Variants in DCC observed in about 807,000 individuals in gnomAD.
DCC encodes netrin receptor DCC.
A neutral mutation model predicts 172.5 loss-of-function variants in DCC; 58 were observed. The observed-to-expected ratio is 0.34, with a 90% CI of 0.27 to 0.42. DCC has a LOEUF of 0.42. Among genes scored for constraint, DCC ranks in the 10% least tolerant of loss-of-function variants. The pLI, the probability that DCC is intolerant of heterozygous loss-of-function variation, is 1.00. For synonymous variants in DCC, 709 were observed against 644.5 expected, an observed-to-expected ratio of 1.10 and a Z score of -1.52; for missense variants, 1,740 against 1,791.0, an observed-to-expected ratio of 0.97 and a Z score of 0.51.
At chr18:53,135,469 C>G (rs2043726795) in intron 7 of DCC, among the ~76,000 whole-genome samples, 1 of 152,104 alleles carries the variant, frequency 6.6e-6, no homozygotes, top group Admixed American at 6.6e-5. Context: ...TTTTTACACT[C>G]CTTATCCCAC....
chr18:53,030,217 G>A (rs1220090952), intron 5 of DCC, among the ~76,000 whole-genome samples: 1 of 152,172 alleles, frequency 6.6e-6, no homozygotes, highest in East Asian at 1.9e-4. Context: ...CCCCAGTAAA[G>A]TAGGACCACT....
At chr18:52,372,642 GC>G (rs1176538962) in intron 1 of DCC, among the ~76,000 whole-genome samples, 2 of 152,180 alleles carry the variant, frequency 1.3e-5, no homozygotes, top group Admixed American at 1.3e-4. Flanking sequence ...GTGAAACCAT[GC>G]ATTTGTATGA....
At chr18:53,082,947 T>C (rs189004343) in intron 7 of DCC, among the ~76,000 whole-genome samples, 72 of 152,228 alleles carry the variant, frequency 4.7e-4, no homozygotes, top group African/African-American at 1.7e-3. Context: ...CTGAATTTTA[T>C]ATATGCCTAC....
At chr18:52,454,608 T>A (rs1988404368) in intron 1 of DCC, among the ~76,000 whole-genome samples, 2 of 152,206 alleles carry the variant, frequency 1.3e-5, no homozygotes, top group African/African-American at 4.8e-5. Context: ...AATAGGAAGC[T>A]TGACCCTCAC....
chr18:53,275,971 A>C (rs1283405774), intron 12 of DCC, among the ~76,000 whole-genome samples: 1 of 152,158 alleles, frequency 6.6e-6, no homozygotes, highest in Non-Finnish European at 1.5e-5. Context: ...AGTTAAAAAT[A>C]TGACTCTCAT....
intron 12 of DCC, among the ~76,000 whole-genome samples, chr18:53,290,517 C>T (rs1312439625): frequency 6.6e-6 from 1 of 151,984 alleles, no homozygotes; most frequent in African/African-American, 2.4e-5. Context: ...CATGGTACAT[C>T]GTGTCTTTGA....
intron 17 of DCC, among the ~76,000 whole-genome samples, chr18:53,393,914 C>CTCT (rs1599101086): frequency 2.8e-5 from 3 of 108,166 alleles, no homozygotes; most frequent in South Asian, 5.2e-4. Flanking sequence ...TCTCTCTCTC[C>CTCT]CTCTCTCCCT....
At chr18:53,307,897 GTATATATATATATATATATA>G (rs771876514) in intron 13 of DCC, among the ~76,000 whole-genome samples, 2,045 of 67,392 alleles carry the variant, frequency 0.03, 80 homozygotes, top group African/African-American at 0.066. Context: ...GTGTGTGTAT[GTATATATATATATATATATA>G]TATATATATA....
At chr18:52,795,394 A>G (rs1320009634) in intron 2 of DCC, among the ~76,000 whole-genome samples, 1 of 151,826 alleles carries the variant, frequency 6.6e-6, no homozygotes, top group Admixed American at 6.6e-5. Context: ...AGATTTTCTA[A>G]TTTGTTTGCA....
rs371388727 is a variant in DCC at position 53,533,738 on chromosome 18, G to A, written c.*3085G>A. On this transcript the variant is annotated 3_prime_UTR_variant, in exon 29 of 29. Transcript: ENST00000442544. ...TTAAATAATGAAGTTTTACATTTGGGTATTATAAAATGCATACTCAATTGA... is the reference window on the plus strand; with the variant it reads ...TTAAATAATGAAGTTTTACATTTGGATATTATAAAATGCATACTCAATTGA... 2 of 152,070 alleles carry A rather than the reference G, an allele frequency of 1.3e-5. No homozygotes were observed. Among genetic ancestry groups the A allele is most frequent in the African/African-American group, 2.4e-5 (1 of 41,486 alleles). 9.4% of individuals were successfully genotyped at this position (152,070 alleles called of 1,614,324 possible).
At chr18:52,892,449 C>T (rs533231988) in intron 2 of DCC, 1 of 152,010 alleles carries the variant, frequency 6.6e-6, no homozygotes, top group Admixed American at 6.6e-5. Context: ...GAGAATGACC[C>T]CACAACTGAA....
rs4408607 is a variant in DCC, at chr18:53,521,198, T to A, written c.4112-5419T>A. On this transcript the variant is annotated intron_variant, in intron 27 of 28. Coordinates refer to ENST00000442544, the MANE Select transcript of DCC (RefSeq NM_005215.4). ...CCGAGACAATGTCTTCGATTCCTTT[T>A]GTGAGGCTCACCATGTCTTGTACAT... Among the ~76,000 whole-genome samples the A allele has an allele frequency of 5.4e-3, 817 of 152,292 alleles. 2 individuals are homozygous for A. Among genetic ancestry groups the A allele is most frequent in the Non-Finnish European group, 8.9e-3 (607 of 68,004 alleles).
At chr18:52,996,429 T>C (rs1217556945) in intron 5 of DCC, among the ~76,000 whole-genome samples, 1 of 151,992 alleles carries the variant, frequency 6.6e-6, no homozygotes, top group Admixed American at 6.6e-5. Flanking sequence ...AGGGGACTGA[T>C]TTTTGGATAT....
intron 27 of DCC, among the ~76,000 whole-genome samples, chr18:53,513,855 T>A (rs370603213): frequency 1.3e-5 from 2 of 149,908 alleles, no homozygotes; most frequent in Non-Finnish European, 3.0e-5. Flanking sequence ...CTCCCACACA[T>A]TAATAATGGG....
chr18:52,349,759 C>T (rs1443572), intron 1 of DCC, among the ~76,000 whole-genome samples: 49,355 of 152,000 alleles, frequency 0.32, 8,588 homozygotes, highest in East Asian at 0.51. Flanking sequence ...AAATCACTCT[C>T]GCCTCCCCAT....
At chr18:53,229,732 T>A (rs1488788208) in intron 12 of DCC, among the ~76,000 whole-genome samples, 1 of 152,000 alleles carries the variant, frequency 6.6e-6, no homozygotes, top group Non-Finnish European at 1.5e-5. Context: ...AGCATCTCTC[T>A]CAATTCCCTC....
intron 7 of DCC, among the ~76,000 whole-genome samples, chr18:53,109,652 AC>A (rs2144246386): frequency 1.4e-5 from 2 of 147,716 alleles, no homozygotes; most frequent in African/African-American, 5.0e-5. Flanking sequence ...GTGGTTCTTA[AC>A]CCCAGGCAAT....
At chr18:52,586,465 C>G (rs1183490842) in intron 1 of DCC, among the ~76,000 whole-genome samples, 1 of 152,116 alleles carries the variant, frequency 6.6e-6, no homozygotes, top group Non-Finnish European at 1.5e-5. Context: ...CCCTTCTTAG[C>G]CTGTTGATTT....
intron 1 of DCC, among the ~76,000 whole-genome samples, chr18:52,603,218 T>G (rs2144820949): frequency 6.6e-6 from 1 of 152,134 alleles, no homozygotes; most frequent in African/African-American, 2.4e-5. Flanking sequence ...CAAGACATAC[T>G]AAAATTTGAG....
Sources: gnomAD v4.1 joint callset for allele counts (sites outside exome capture counted in the v4.1 genomes callset) on GRCh38, gnomAD v4.1.1 for gene constraint, MANE v1.5 for transcripts, NCBI Gene and HGNC (gene_info 2026-07-23, HGNC 2026-07-21) for gene names.